ADCY2: variants seen among roughly 807,000 people sequenced by gnomAD.
ADCY2 encodes the protein adenylate cyclase 2, also known as adenylate cyclase type 2.
A neutral mutation model predicts 125.2 loss-of-function variants in ADCY2; 31 were observed. The observed-to-expected ratio is 0.25, with a 90% confidence interval of 0.19 to 0.33. The LOEUF (loss-of-function observed/expected upper bound fraction) is 0.33. Among genes scored for constraint, ADCY2 ranks in the 10% least tolerant of loss-of-function variants. The pLI is 1.00. For missense variants in ADCY2, 904 were observed against 1,418.2 expected (o/e 0.64, Z 5.82); for synonymous variants, 512 against 548.4 (o/e 0.93, Z 0.93).
intron 10 of ADCY2, among the ~76,000 whole-genome samples, chr5:7,710,869 G>A (rs748814023): frequency 7.9e-5 from 12 of 152,100 alleles, no homozygotes; most frequent in Non-Finnish European, 1.2e-4. Flanking sequence ...AGGGGCTAAC[G>A]TGAAAGTAGA....
chr5:7,714,884 T>C (rs1741549390), intron 11 of ADCY2, among the ~76,000 whole-genome samples: 1 of 152,214 alleles, frequency 6.6e-6, no homozygotes, highest in Admixed American at 6.5e-5. Flanking sequence ...CATGCCTGCT[T>C]AGACCTATCA....
chr5:7,535,834 AC>A (rs1184005414), intron 3 of ADCY2, among the ~76,000 whole-genome samples: 2 of 152,152 alleles, frequency 1.3e-5, no homozygotes, highest in Non-Finnish European at 2.9e-5. Context: ...TATTAACATG[AC>A]CCATAGAAAG....
chr5:7,512,870 C>A (rs1744119115), intron 2 of ADCY2, among the ~76,000 whole-genome samples: 1 of 152,066 alleles, frequency 6.6e-6, no homozygotes, highest in East Asian at 1.9e-4. Flanking sequence ...AGCATTGAGA[C>A]CTGAACTGCT....
intron 2 of ADCY2, among the ~76,000 whole-genome samples, chr5:7,493,239 G>C (rs970702182): frequency 6.6e-6 from 1 of 152,150 alleles, no homozygotes; most frequent in African/African-American, 2.4e-5. Flanking sequence ...GAAAGCCTGG[G>C]TCCATCTCTC....
intron 2 of ADCY2, among the ~76,000 whole-genome samples, chr5:7,456,646 A>G (rs1741678724): frequency 6.6e-6 from 1 of 152,200 alleles, no homozygotes; most frequent in African/African-American, 2.4e-5. Context: ...TGTGATTCCT[A>G]TTCTTTACAC....
intron 3 of ADCY2, among the ~76,000 whole-genome samples, chr5:7,593,517 C>T (rs1736911988): frequency 6.6e-6 from 1 of 151,634 alleles, no homozygotes; most frequent in Non-Finnish European, 1.5e-5. Context: ...ACTTTGTTAC[C>T]AACAGGGATG....
At chr5:7,541,000 T>C (rs974930721) in intron 3 of ADCY2, among the ~76,000 whole-genome samples, 3 of 152,156 alleles carry the variant, frequency 2.0e-5, no homozygotes, top group African/African-American at 7.2e-5. Flanking sequence ...ATGCTGTGCT[T>C]CCCATACAAT....
intron 23 of ADCY2, among the ~76,000 whole-genome samples, chr5:7,818,934 T>G (rs535052985): frequency 1.4e-4 from 22 of 151,940 alleles, no homozygotes; most frequent in Admixed American, 5.2e-4. Context: ...GAAAGTTTAT[T>G]AAGAAGTATT....
At chr5:7,447,908 G>A (rs1436139917) in intron 2 of ADCY2, among the ~76,000 whole-genome samples, 2 of 152,208 alleles carry the variant, frequency 1.3e-5, no homozygotes, top group African/African-American at 4.8e-5. Flanking sequence ...TAATGGGGCT[G>A]CAGAAGCTTT....
intron 20 of ADCY2, chr5:7,793,840 C>T (rs1195365208): frequency 6.6e-6 from 1 of 152,306 alleles, no homozygotes; most frequent in African/African-American, 2.4e-5. Flanking sequence ...CCAGTTGCAA[C>T]ACCTGAAGAT....
chr5:7,676,298 A>G (rs1325790302), intron 4 of ADCY2, among the ~76,000 whole-genome samples: 2 of 152,234 alleles, frequency 1.3e-5, no homozygotes. Context: ...AGCTAGCAAA[A>G]AAGTATTTAA....
At chr5:7,706,941 G>T (rs1741285142) in intron 8 of ADCY2, 39 bp downstream of exon 8, 1 of 1,609,980 alleles carries the variant, frequency 6.2e-7, no homozygotes, top group South Asian at 1.1e-5. Flanking sequence ...CAAGCAGGCA[G>T]AACTATTAGG....
chr5:7,637,515 T>C (rs1738554124), intron 4 of ADCY2, among the ~76,000 whole-genome samples: 1 of 150,052 alleles, frequency 6.7e-6, no homozygotes, highest in African/African-American at 2.5e-5. Context: ...AGTTACTAAA[T>C]AATCACAGCT....
intron 2 of ADCY2, among the ~76,000 whole-genome samples, chr5:7,441,069 A>G (rs1740995223): frequency 1.3e-5 from 2 of 152,180 alleles, no homozygotes; most frequent in Admixed American, 1.3e-4. Context: ...CAGGGTGTAG[A>G]GGGCAGGACG....
At chr5:7,806,783 TAGGG>T (rs1428558172) in intron 22 of ADCY2, among the ~76,000 whole-genome samples, 2 of 152,242 alleles carry the variant, frequency 1.3e-5, no homozygotes, top group Non-Finnish European at 2.9e-5. Flanking sequence ...ATATAAATTT[TAGGG>T]AGGACACAAT....
chr5:7,660,410 C>A (rs956512395), intron 4 of ADCY2, among the ~76,000 whole-genome samples: 1 of 151,986 alleles, frequency 6.6e-6, no homozygotes, highest in African/African-American at 2.4e-5. Context: ...GATTTTGCTC[C>A]CTTTACATAT....
intron 1 of ADCY2, among the ~76,000 whole-genome samples, chr5:7,402,189 C>T (rs1230058696): frequency 6.6e-6 from 1 of 152,206 alleles, no homozygotes; most frequent in Non-Finnish European, 1.5e-5. Flanking sequence ...CTGGATCTTC[C>T]TGAGTGGCTC....
intron 3 of ADCY2, among the ~76,000 whole-genome samples, chr5:7,567,970 G>A (rs1360629042): frequency 6.7e-6 from 1 of 150,364 alleles, no homozygotes; most frequent in Non-Finnish European, 1.5e-5. Flanking sequence ...TCTGTCAGAT[G>A]TCTTCTGTCT....
intron 3 of ADCY2, among the ~76,000 whole-genome samples, chr5:7,556,273 A>C (rs1735504145): frequency 6.6e-6 from 1 of 152,190 alleles, no homozygotes. Context: ...AATAGTGTAG[A>C]GAAGTCATTA....
Sources: allele counts gnomAD v4.1 joint callset (sites outside exome capture counted in the v4.1 genomes callset), GRCh38; gene constraint gnomAD v4.1.1; transcripts MANE v1.5; gene names NCBI Gene and HGNC (gene_info 2026-07-23, HGNC 2026-07-21).